XYLB: variants seen among roughly 807,000 people sequenced by gnomAD.
XYLB encodes the protein xylulokinase.
XYLB carries 62 observed loss-of-function variants against 78.7 expected under a neutral mutation model. That is an observed-to-expected ratio of 0.79 (90% CI 0.64 to 0.97). The LOEUF (loss-of-function observed/expected upper bound fraction) is 0.97. Ranked by LOEUF, XYLB falls within the 50% of genes least tolerant of loss-of-function variation. The pLI, the probability that XYLB is intolerant of heterozygous loss-of-function variation, is 0.00. For synonymous variants in XYLB, 245 were observed against 247.4 expected, an observed-to-expected ratio of 0.99 and a Z score of 0.09; for missense variants, 687 against 676.8, an observed-to-expected ratio of 1.02 and a Z score of -0.17.
the XYLB span, among the ~76,000 whole-genome samples, chr3:38,430,544 A>C: frequency 6.6e-6 from 1 of 152,138 alleles, no homozygotes; most frequent in South Asian, 2.1e-4. Flanking sequence ...GCTGTGCAGA[A>C]GCTCTTTAGT....
the XYLB span, among the ~76,000 whole-genome samples, chr3:38,431,213 A>G: frequency 9.2e-5 from 14 of 152,096 alleles, no homozygotes; most frequent in African/African-American, 3.4e-4. Flanking sequence ...ATTTGTTTGT[A>G]TCCTCTTTTA....
chr3:38,451,620 T>TCAAAAA, the XYLB span: 3,707 of 152,452 alleles, frequency 0.024, 141 homozygotes, highest in East Asian at 0.15. Context: ...AAACTCTGTC[T>TCAAAAA]CAAAAACAAA....
chr3:38,387,151 C>T (rs573005278), intron 15 of XYLB, among the ~76,000 whole-genome samples: 8 of 152,116 alleles, frequency 5.3e-5, no homozygotes, highest in Admixed American at 1.3e-4. Context: ...TTGTGATTCA[C>T]TGAGCTTCTT....
At chr3:38,378,555 G>A (rs1369555205) in intron 14 of XYLB, among the ~76,000 whole-genome samples, 2 of 152,172 alleles carry the variant, frequency 1.3e-5, no homozygotes, top group Non-Finnish European at 2.9e-5. Flanking sequence ...TGAGAAGGTG[G>A]CCTTTAGGTT....
chr3:38,425,203 C>G (rs1466075767), downstream of XYLB, among the ~76,000 whole-genome samples: 1 of 152,208 alleles, frequency 6.6e-6, no homozygotes, highest in Non-Finnish European at 1.5e-5. Flanking sequence ...ACATGCTAAA[C>G]AGGGGAATCT....
chr3:38,364,830 T>C (rs971253843), intron 4 of XYLB, among the ~76,000 whole-genome samples: 5 of 152,176 alleles, frequency 3.3e-5, no homozygotes, highest in African/African-American at 9.7e-5. Flanking sequence ...ATGATCTATG[T>C]GCTTAATAAA....
intron 17 of XYLB, 33 bp from the exon 18 acceptor site, chr3:38,400,858 A>G (rs762126006): frequency 5.7e-6 from 9 of 1,583,704 alleles, no homozygotes; most frequent in South Asian, 5.6e-5. Context: ...CACTTGCAAC[A>G]TGCACTAATG....
the XYLB span, among the ~76,000 whole-genome samples, chr3:38,428,908 T>A: frequency 2.7e-3 from 405 of 152,342 alleles, 3 homozygotes; most frequent in African/African-American, 9.5e-3. Context: ...ATTGGTTAGA[T>A]CTCTGTGATG....
At chr3:38,419,238 GTTCA>G (rs1208450163), downstream of XYLB, among the ~76,000 whole-genome samples, 1 of 151,958 alleles carries the variant, frequency 6.6e-6, no homozygotes, top group Non-Finnish European at 1.5e-5. Context: ...AAATTTAAAG[GTTCA>G]TTCACATTGT....
intron 14 of XYLB, 92 bp downstream of exon 14, chr3:38,377,083 CTTCA>C (rs1706899675): frequency 1.8e-6 from 2 of 1,138,052 alleles, no homozygotes; most frequent in Non-Finnish European, 2.6e-6. Flanking sequence ...CTTTTAGGGA[CTTCA>C]TTCATTCACT....
At chr3:38,418,239 C>G (rs942434334), downstream of XYLB, among the ~76,000 whole-genome samples, 1 of 149,804 alleles carries the variant, frequency 6.7e-6, no homozygotes, top group African/African-American at 2.5e-5. Flanking sequence ...ATGTATGTAT[C>G]TATGTATCAG....
At chr3:38,381,261 A>G (rs1707129722) in intron 15 of XYLB, among the ~76,000 whole-genome samples, 1 of 152,228 alleles carries the variant, frequency 6.6e-6, no homozygotes, top group Non-Finnish European at 1.5e-5. Context: ...TAAAGATTTC[A>G]TGGACACTTA....
chr3:38,389,360 A>G (rs369466377), intron 15 of XYLB, among the ~76,000 whole-genome samples: 20 of 151,808 alleles, frequency 1.3e-4, no homozygotes, highest in South Asian at 4.2e-4. Flanking sequence ...ACACAGACAC[A>G]GCAACCATCC....
intron 18 of XYLB, among the ~76,000 whole-genome samples, chr3:38,407,374 C>T (rs1708369770): frequency 6.6e-6 from 1 of 152,090 alleles, no homozygotes; most frequent in Non-Finnish European, 1.5e-5. Context: ...AAAAGAGCTC[C>T]TGAAGGAAGC....
chr3:38,417,747 G>A (rs945039034), downstream of XYLB, among the ~76,000 whole-genome samples: 5 of 151,920 alleles, frequency 3.3e-5, no homozygotes, highest in Non-Finnish European at 7.4e-5. Context: ...GGGCATGGTG[G>A]TGCATGCCTG....
intron 2 of XYLB, among the ~76,000 whole-genome samples, chr3:38,352,870 C>T (rs1487367132): frequency 7.9e-5 from 12 of 151,984 alleles, no homozygotes; most frequent in East Asian, 1.9e-4. Flanking sequence ...AGAGAAGGGA[C>T]GGAGAGGAGA....
chr3:38,351,672 G>C (rs113710379), intron 2 of XYLB, among the ~76,000 whole-genome samples: 4,847 of 152,192 alleles, frequency 0.032, 114 homozygotes, highest in African/African-American at 0.062. Flanking sequence ...CTTTGCAAGC[G>C]ATGCCTCCTT....
chr3:38,395,368 C>T, intron 15 of XYLB, 137 bp from the exon 16 acceptor site: 3 of 764,314 alleles, frequency 3.9e-6, no homozygotes, highest in Non-Finnish European at 6.7e-6. Flanking sequence ...CTTTGGATCT[C>T]TCCCGTAGTC....
At chr3:38,395,670 A>G in intron 16 of XYLB, 107 bp downstream of exon 16, 1 of 1,200,516 alleles carries the variant, frequency 8.3e-7, no homozygotes, top group Non-Finnish European at 1.2e-6. Flanking sequence ...TCCTGCAGGA[A>G]TGGGGAGCTC....
Sources: gnomAD v4.1 joint callset for allele counts (sites outside exome capture counted in the v4.1 genomes callset) on GRCh38, gnomAD v4.1.1 for gene constraint, MANE v1.5 for transcripts, NCBI Gene and HGNC (gene_info 2026-07-23, HGNC 2026-07-21) for gene names.